Variants in UBASH3B observed in about 807,000 individuals in gnomAD.
UBASH3B encodes ubiquitin-associated and SH3 domain-containing protein B.
UBASH3B carries 37 observed loss-of-function variants against 83.4 expected under a neutral mutation model. The observed-to-expected ratio is 0.44, with a 90% CI of 0.34 to 0.58. UBASH3B has a LOEUF of 0.58. UBASH3B is among the 20% of genes least tolerant of loss of function. The pLI, the probability that UBASH3B is intolerant of heterozygous loss-of-function variation, is 0.01. For synonymous variants in UBASH3B, 304 were observed against 318.3 expected (o/e 0.96, Z 0.48); for missense variants, 657 against 827.2 (o/e 0.79, Z 2.52).
intron 4 of UBASH3B, among the ~76,000 whole-genome samples, chr11:122,780,556 A>G (rs1860834022): frequency 6.6e-6 from 1 of 152,208 alleles, no homozygotes; most frequent in Non-Finnish European, 1.5e-5. Flanking sequence ...TTTCTCCTAC[A>G]TGAGGAGTGC....
At chr11:122,657,702 C>A (rs144885717) in intron 1 of UBASH3B, among the ~76,000 whole-genome samples, 1 of 152,160 alleles carries the variant, frequency 6.6e-6, no homozygotes, top group Admixed American at 6.6e-5. Context: ...GTTGGAGTGG[C>A]CTTAGAAGGC....
chr11:122,783,055 G>T lies in UBASH3B; in HGVS notation c.604G>T (p.Val202Leu). 6.2e-7 allele frequency: 1 copy of T among 1,610,104 alleles called. No homozygotes were observed. Among genetic ancestry groups the T allele is most frequent in the Non-Finnish European group, 8.5e-7 (1 of 1,178,742 alleles). Residue 202 changes from valine to leucine, a missense_variant and splice_region_variant, in exon 5 of 14, where the codon GTG becomes TTG. Physicochemically the swap from Val to Leu is conservative, Grantham distance 32. Around this residue, in one of 3 missense-constraint regions of UBASH3B, gnomAD observed 573 missense variants for 739.0 expected, o/e 0.78. Transcript: ENST00000284273. ...GACCTTTTTCTTCCTTTTTCCAGAA[G>T]TGCATGTGGAACCTCATAAGAAGCA... ...FAAEAASKTE[V>L]HVEPHKKQLH...
intron 1 of UBASH3B, among the ~76,000 whole-genome samples, chr11:122,740,480 T>A (rs1861006698): frequency 6.6e-6 from 1 of 152,200 alleles, no homozygotes; most frequent in Non-Finnish European, 1.5e-5. Context: ...GCACAATATG[T>A]GTTGTGTGCA....
chr11:122,792,202 C>T (rs911418129), intron 6 of UBASH3B, among the ~76,000 whole-genome samples: 6 of 151,522 alleles, frequency 4.0e-5, no homozygotes, highest in Non-Finnish European at 7.4e-5. Context: ...TTCACAGCTG[C>T]GATAAAGAAA....
At chr11:122,705,784 A>G (rs1377505933) in intron 1 of UBASH3B, among the ~76,000 whole-genome samples, 1 of 152,190 alleles carries the variant, frequency 6.6e-6, no homozygotes, top group African/African-American at 2.4e-5. Context: ...AGTAGAAAGA[A>G]AATGGCTGCC....
At chr11:122,721,771 G>A (rs764403290) in intron 1 of UBASH3B, among the ~76,000 whole-genome samples, 3 of 151,998 alleles carry the variant, frequency 2.0e-5, no homozygotes, top group Non-Finnish European at 4.4e-5. Context: ...TCTTTTCCAG[G>A]TCTCCTAACA....
chr11:122,787,709 G>T (rs985153977), intron 5 of UBASH3B, among the ~76,000 whole-genome samples: 1 of 152,078 alleles, frequency 6.6e-6, no homozygotes, highest in East Asian at 1.9e-4. Context: ...ATGCCCCTTC[G>T]GTGCACAAGG....
intron 6 of UBASH3B, among the ~76,000 whole-genome samples, chr11:122,790,432 C>T (rs140131418): frequency 2.2e-4 from 33 of 152,234 alleles, no homozygotes; most frequent in African/African-American, 7.9e-4. Context: ...TCTTATGTTC[C>T]CCAAACATTT....
chr11:122,801,356 A>C, intron 11 of UBASH3B, 24 bp downstream of exon 11: 1 of 1,611,756 alleles, frequency 6.2e-7, no homozygotes, highest in Non-Finnish European at 8.5e-7. Context: ...ACTGCTGCTT[A>C]CTGAGGCCAG....
Position 122,744,403 on chromosome 11 carries a change from GTGT to G in UBASH3B, c.162-31812_162-31810del, listed in dbSNP as rs570103102. 1.8e-4 allele frequency among the ~76,000 whole-genome samples: 28 copies of G among 152,236 alleles called. 1 individual carries two copies. The South Asian group carries it at 5.8e-3, about 32-fold the overall frequency. On this transcript the variant is annotated intron_variant, in intron 1 of 13. Coordinates refer to ENST00000284273, the MANE Select transcript of UBASH3B (RefSeq NM_032873.5). The stretch of plus-strand genomic sequence containing the variant: ...AGTGGTTGAGTGAGTACATGGACAC[GTGT>G]TGTGTGCATTTGAGCATGTGTATCG...
intron 12 of UBASH3B, 149 bp from the exon 13 acceptor site, chr11:122,807,918 T>C: frequency 1.4e-6 from 1 of 694,194 alleles, no homozygotes; most frequent in South Asian, 1.7e-5. Context: ...GCCTTATCAG[T>C]AACAAAGCAC....
intron 1 of UBASH3B, among the ~76,000 whole-genome samples, chr11:122,768,942 TG>T (rs1860598024): frequency 6.6e-6 from 1 of 152,214 alleles, no homozygotes; most frequent in Non-Finnish European, 1.5e-5. Flanking sequence ...AGAGATGACT[TG>T]ACTGCTGGCC....
chr11:122,676,803 G>A (rs891457534), intron 1 of UBASH3B, among the ~76,000 whole-genome samples: 1 of 152,226 alleles, frequency 6.6e-6, no homozygotes, highest in Non-Finnish European at 1.5e-5. Context: ...GTATTTCCTG[G>A]CATCACTGTC....
At chr11:122,711,043 G>A (rs145414035) in intron 1 of UBASH3B, among the ~76,000 whole-genome samples, 11 of 152,308 alleles carry the variant, frequency 7.2e-5, no homozygotes, top group Non-Finnish European at 1.5e-4. Context: ...GGAAGTGTGG[G>A]AGCCCTGTTC....
chr11:122,786,031 T>C (rs1037372344), intron 5 of UBASH3B, among the ~76,000 whole-genome samples: 9 of 151,946 alleles, frequency 5.9e-5, no homozygotes, highest in African/African-American at 2.2e-4. Flanking sequence ...AAGAGGTTTT[T>C]TGTTTTTGTT....
intron 1 of UBASH3B, among the ~76,000 whole-genome samples, chr11:122,716,536 C>T (rs531391271): frequency 1.8e-4 from 28 of 152,280 alleles, no homozygotes; most frequent in African/African-American, 6.3e-4. Context: ...TCTAATATCC[C>T]TTGTGTGGCC....
At chr11:122,784,623 A>G (rs1437304998) in intron 5 of UBASH3B, among the ~76,000 whole-genome samples, 1 of 152,250 alleles carries the variant, frequency 6.6e-6, no homozygotes, top group Non-Finnish European at 1.5e-5. Context: ...TTGTTAGTTT[A>G]CATAGCCTTT....
At position 122,771,217 on chromosome 11, in the gene UBASH3B, T is replaced by G. The variant is rs1048540683; in HGVS notation, c.162-5002T>G. 4.7e-5 allele frequency among the ~76,000 whole-genome samples: 7 copies of G among 147,754 alleles called. No individual in the cohort carries two copies. The Admixed American group carries it at 5.0e-4, about 10-fold the overall frequency. ...CTTCTGCTTTCCTTTCTTTCTCTAG[T>G]CAGCTCTTACTTTGCTTTTTTTTTT... On this transcript the variant is annotated intron_variant, in intron 1 of 13. Coordinates refer to ENST00000284273, the MANE Select transcript of UBASH3B (RefSeq NM_032873.5).
rs756967207 is a variant in UBASH3B at position 122,783,144 on chromosome 11, C to T, written c.693C>T (p.Ala231=). 1.1e-5 allele frequency: 18 copies of T among 1,614,032 alleles called. No individual in the cohort carries two copies. The Admixed American group carries it at 3.0e-4, about 27-fold the overall frequency. The change falls in exon 5 of 14, where the codon GCC becomes GCT. Residue 231 remains alanine, a synonymous_variant. Transcript: ENST00000284273. The part of the protein sequence containing the change: ...ASHLPTLEKL[A]QNIDVKLGCD... The stretch of plus-strand genomic sequence containing the variant: ...ACCTACCCACCCTAGAGAAACTGGC[C>T]CAGAACATTGACGTCAAGCTAGGGT...
Sources: allele counts gnomAD v4.1 joint callset (sites outside exome capture counted in the v4.1 genomes callset), GRCh38; gene constraint gnomAD v4.1.1; regional missense constraint gnomAD v4.1.1; transcripts MANE v1.5; gene names NCBI Gene and HGNC (gene_info 2026-07-23, HGNC 2026-07-21).